NCOA3: variants seen among roughly 807,000 people sequenced by gnomAD.
NCOA3 encodes the protein nuclear receptor coactivator 3, also known as CBP-interacting protein.
NCOA3 carries 51 observed loss-of-function variants against 158.8 expected under a neutral mutation model. That is an observed-to-expected ratio of 0.32 (90% CI 0.26 to 0.41). NCOA3 has a LOEUF of 0.41. NCOA3 is among the 10% of genes least tolerant of loss of function. NCOA3 has a pLI of 1.00. For missense variants in NCOA3, 1,510 were observed against 1,746.6 expected (o/e 0.86, Z 2.41); for synonymous variants, 537 against 592.4 (o/e 0.91, Z 1.36).
At chr20:47,635,738 A>G (rs774605016) in intron 11 of NCOA3, 25 bp downstream of exon 11, 1 of 1,574,140 alleles carries the variant, frequency 6.4e-7, no homozygotes, top group South Asian at 1.2e-5. Flanking sequence ...ATTTCCTTTT[A>G]TTTTTTTTCT....
rs72161837 is a variant in NCOA3 at position 47,563,888 on chromosome 20, C to CAA, written c.-98-19280_-98-19279dup. Among the ~76,000 whole-genome samples, 291 of 58,692 alleles carry CAA rather than the reference C, an allele frequency of 5.0e-3. 4 individuals are homozygous for CAA. The highest frequency in any genetic ancestry group is 0.012 in the African/African-American group (202 of 16,236). 38.5% of individuals were successfully genotyped at this position (58,692 alleles called of 152,430 possible). On this transcript the variant is annotated intron_variant, in intron 1 of 22. Coordinates refer to ENST00000371998, the MANE Select transcript of NCOA3 (RefSeq NM_181659.3). ...TGGGCTACAGAGCGAGATTCTGTCT[C>CAA]AAAAAAAAAAAAAAAAGAAAGAAAA...
intron 2 of NCOA3, among the ~76,000 whole-genome samples, chr20:47,611,208 C>T (rs1390490032): frequency 6.6e-6 from 1 of 152,146 alleles, no homozygotes; most frequent in Non-Finnish European, 1.5e-5. Flanking sequence ...TCCTTTACAT[C>T]TTTATTGCTT....
At chr20:47,507,419 T>A (rs537677651) in intron 1 of NCOA3, among the ~76,000 whole-genome samples, 1 of 152,340 alleles carries the variant, frequency 6.6e-6, no homozygotes, top group South Asian at 2.1e-4. Flanking sequence ...CACCATGTTT[T>A]GAGTAGCTCT....
intron 1 of NCOA3, among the ~76,000 whole-genome samples, chr20:47,516,507 A>G (rs1319954701): frequency 1.3e-5 from 2 of 152,174 alleles, no homozygotes; most frequent in South Asian, 2.1e-4. Flanking sequence ...AATAAGATAC[A>G]CACATAGAAT....
At chr20:47,646,544 A>G (rs1386364016) in intron 17 of NCOA3, among the ~76,000 whole-genome samples, 2 of 152,214 alleles carry the variant, frequency 1.3e-5, no homozygotes, top group Non-Finnish European at 1.5e-5. Context: ...AAGTTCAGAG[A>G]TGTTTTGGCT....
At chr20:47,633,117 C>T (rs1421008780) in intron 8 of NCOA3, among the ~76,000 whole-genome samples, 2 of 152,156 alleles carry the variant, frequency 1.3e-5, no homozygotes, top group African/African-American at 4.8e-5. Context: ...CAGCTCCATC[C>T]TGAGGTGATC....
At chr20:47,648,895 G>A (rs2086734035) in intron 18 of NCOA3, 110 bp from the exon 19 acceptor site, 1 of 642,476 alleles carries the variant, frequency 1.6e-6, no homozygotes, top group Non-Finnish European at 2.8e-6. Context: ...ACTTAGCCAG[G>A]TTATTGTGTT....
At chr20:47,602,750 A>G (rs1295412674) in intron 2 of NCOA3, among the ~76,000 whole-genome samples, 1 of 152,192 alleles carries the variant, frequency 6.6e-6, no homozygotes, top group African/African-American at 2.4e-5. Flanking sequence ...TAGGTTTTTG[A>G]TAAGTCTAGT....
At chr20:47,637,867 G>T (rs902466568) in intron 13 of NCOA3, 84 bp downstream of exon 13, 3 of 1,212,628 alleles carry the variant, frequency 2.5e-6, no homozygotes, top group Middle Eastern at 2.1e-4. Context: ...CTAAGACCAG[G>T]ATATAAATAG....
rs760141566 is a variant in NCOA3 at position 47,624,008 on chromosome 20, A to C, written c.181A>C (p.Asn61His). ...LISANLSDID[N>H]FNVKPDKCAI... is the part of the protein sequence containing the mutation. ...ATCTGCCAATCTTAGTGATATTGAC[A>C]ATTTCAATGTCAAACCAGATAAATG... Residue 61 changes from asparagine (N) to histidine (H), a missense_variant, in exon 4 of 23, where the codon AAT becomes CAT. This residue lies in a region of NCOA3 where 309 missense variants were observed against 427.1 expected (regional missense o/e 0.72). Transcript: ENST00000371998. 6.2e-7 allele frequency: 1 copy of C among 1,613,418 alleles called. No individual in the cohort carries two copies. Among genetic ancestry groups the C allele is most frequent in the Non-Finnish European group, 8.5e-7 (1 of 1,179,652 alleles).
At chr20:47,600,112 G>GTA (rs2085833653) in intron 2 of NCOA3, among the ~76,000 whole-genome samples, 1 of 108,202 alleles carries the variant, frequency 9.2e-6, no homozygotes, top group Non-Finnish European at 2.3e-5. Context: ...CACTTCCTTT[G>GTA]TGTGTGTGTG....
intron 1 of NCOA3, among the ~76,000 whole-genome samples, chr20:47,564,712 T>A (rs1246534686): frequency 6.6e-6 from 1 of 152,214 alleles, no homozygotes; most frequent in East Asian, 1.9e-4. Flanking sequence ...TTAAAGTTTT[T>A]AATTTTTGCC....
intron 1 of NCOA3, among the ~76,000 whole-genome samples, chr20:47,514,199 TA>T (rs1353247575): frequency 1.3e-5 from 2 of 152,176 alleles, no homozygotes; most frequent in African/African-American, 4.8e-5. Flanking sequence ...TTTTTACTTT[TA>T]TTTTTTTGAA....
intron 22 of NCOA3, 70 bp from the exon 23 acceptor site, chr20:47,653,336 T>G: frequency 6.4e-7 from 1 of 1,554,206 alleles, no homozygotes; most frequent in Non-Finnish European, 8.7e-7. Flanking sequence ...GACATGGGTA[T>G]TTTTTTGTTG....
chr20:47,640,787 C>G (rs2086591881), intron 16 of NCOA3, among the ~76,000 whole-genome samples: 1 of 150,600 alleles, frequency 6.6e-6, no homozygotes, highest in African/African-American at 2.4e-5. Context: ...ACTCAGGAGG[C>G]TGAGGAAGGA....
chr20:47,547,127 G>C (rs1422659610), intron 1 of NCOA3, among the ~76,000 whole-genome samples: 1 of 152,114 alleles, frequency 6.6e-6, no homozygotes. Context: ...TAAAGCATAT[G>C]CTCCACAAGA....
rs71183267 is a variant in NCOA3 at position 47,593,334 on chromosome 20, ATTTTTTTTTTTT to A, written c.-20+10090_-20+10101del. On this transcript the variant is annotated intron_variant, in intron 2 of 22. Coordinates refer to ENST00000371998, the MANE Select transcript of NCOA3 (RefSeq NM_181659.3). ...GGAGTACCTCCTCTTGAGTTGATGG[ATTTTTTTTTTTT>A]TTTTTTTTTTTTTTTTGAGACAGTC... is the stretch of plus-strand genomic sequence containing the variant. Among the ~76,000 whole-genome samples the A allele has an allele frequency of 1.3e-3, 83 of 63,758 alleles. 1 individual carries two copies. The highest frequency in any genetic ancestry group is 3.7e-3 in the African/African-American group (55 of 14,988). 41.8% of individuals were successfully genotyped at this position (63,758 alleles called of 152,430 possible).
At chr20:47,579,778 A>C (rs918189093) in intron 1 of NCOA3, among the ~76,000 whole-genome samples, 1 of 152,202 alleles carries the variant, frequency 6.6e-6, no homozygotes, top group African/African-American at 2.4e-5. Flanking sequence ...CTGAACACTA[A>C]GCACCAAGTT....
intron 1 of NCOA3, among the ~76,000 whole-genome samples, chr20:47,515,279 C>T (rs2084213954): frequency 6.6e-6 from 1 of 151,810 alleles, no homozygotes; most frequent in African/African-American, 2.4e-5. Flanking sequence ...TCTCCTGCCT[C>T]AGCCTCCCCA....
Sources: gnomAD v4.1 joint callset for allele counts (sites outside exome capture counted in the v4.1 genomes callset) on GRCh38, gnomAD v4.1.1 for gene constraint, gnomAD v4.1.1 regional missense constraint, MANE v1.5 for transcripts, NCBI Gene and HGNC (gene_info 2026-07-23, HGNC 2026-07-21) for gene names.